Variants in BST1 observed in about 807,000 individuals in gnomAD.
BST1 encodes the protein ADP-ribosyl cyclase/cyclic ADP-ribose hydrolase 2.
In BST1, 49 loss-of-function variants were observed where a neutral mutation model predicts 40.6. That is an observed-to-expected ratio of 1.21 (90% CI 0.96 to 1.53). The LOEUF (loss-of-function observed/expected upper bound fraction) is 1.53, where lower values mean the gene tolerates loss of function less well. Among genes scored for constraint, BST1 ranks in the 40% most tolerant of loss-of-function variants. BST1 has a pLI of 0.00. For synonymous variants in BST1, 157 were observed against 159.3 expected (o/e 0.99, Z 0.11); for missense variants, 423 against 395.9 (o/e 1.07, Z -0.58).
chr4:15,773,101 G>A, the BST1 span, among the ~76,000 whole-genome samples: 1 of 152,236 alleles, frequency 6.6e-6, no homozygotes, highest in Non-Finnish European at 1.5e-5. Context: ...TGGGAGAATG[G>A]TGGGGAAGCT....
intron 1 of BST1, among the ~76,000 whole-genome samples, chr4:15,703,725 TGTGTGTGTGTGCTCTAGAGGTGAGGG>T (rs1719694520): frequency 7.6e-6 from 1 of 131,770 alleles, no homozygotes; most frequent in Non-Finnish European, 1.6e-5. Context: ...GGGGTGTGTG[TGTGTGTGTGTGCTCTAGAGGTGAGGG>T]GTGTGTGTGT....
intron 1 of BST1, among the ~76,000 whole-genome samples, chr4:15,704,735 T>G (rs28449316): frequency 6.6e-6 from 1 of 152,120 alleles, no homozygotes; most frequent in Non-Finnish European, 1.5e-5. Flanking sequence ...CAGGTTGGAA[T>G]TCCTTGAGTC....
chr4:15,755,517 T>A, the BST1 span, among the ~76,000 whole-genome samples: 5 of 152,338 alleles, frequency 3.3e-5, no homozygotes, highest in East Asian at 9.6e-4. Context: ...TATTTGTAGG[T>A]TGAATTCCTA....
the BST1 span, among the ~76,000 whole-genome samples, chr4:15,754,982 T>C: frequency 6.6e-6 from 1 of 152,178 alleles, no homozygotes; most frequent in Non-Finnish European, 1.5e-5. Flanking sequence ...TCCTTAATAG[T>C]ACATCCTGGA....
intron 6 of BST1, among the ~76,000 whole-genome samples, chr4:15,717,378 C>G (rs1256340168): frequency 6.6e-6 from 1 of 152,176 alleles, no homozygotes; most frequent in Non-Finnish European, 1.5e-5. Flanking sequence ...TTCATGTAAA[C>G]TCAGGGTCCT....
Position 15,705,568 on chromosome 4 carries a change from A to T in BST1, c.242A>T (p.Asp81Val). Residue 81 changes from aspartate (D) to valine (V), a missense_variant, in exon 2 of 9, where the codon GAT becomes GTT. Transcript: ENST00000265016. The part of the protein sequence containing the change: ...WEAFKVALDK[D>V]PCSVLPSDYD... ...GCCTTTAAAGTGGCGCTGGACAAGG[A>T]TCCCTGCTCCGTGCTGCCCTCAGAC... 1 of 1,611,100 alleles carries T rather than the reference A, an allele frequency of 6.2e-7. No homozygotes were observed. The highest frequency in any genetic ancestry group is 8.5e-7 in the Non-Finnish European group (1 of 1,178,846).
chr4:15,727,797 A>C (rs1268380174), intron 8 of BST1, among the ~76,000 whole-genome samples: 3 of 152,030 alleles, frequency 2.0e-5, no homozygotes, highest in African/African-American at 7.2e-5. Context: ...CATACAGCCT[A>C]TATGCTCAAA....
chr4:15,703,214 C>T lies in BST1; in HGVS notation c.70C>T (p.Leu24=). 1 of 1,550,942 alleles carries T rather than the reference C, an allele frequency of 6.4e-7. No homozygotes were observed. Among genetic ancestry groups the T allele is most frequent in the Non-Finnish European group, 8.7e-7 (1 of 1,148,836 alleles). ...GCTGCAGCTTCTGCTTCTACTGTTGCTGCTGGCGGCGGGCGGGGCGCGCGC... is the reference window on the plus strand; with the variant it reads ...GCTGCAGCTTCTGCTTCTACTGTTGTTGCTGGCGGCGGGCGGGGCGCGCGC... ...LLLQLLLLLL[L]LAAGGARARW... is the part of the protein sequence containing the mutation. The change falls in exon 1 of 9, where the codon CTG becomes TTG. Residue 24 remains leucine, a synonymous_variant. Coordinates refer to ENST00000265016, the MANE Select transcript of BST1 (RefSeq NM_004334.3).
rs1312733768 is a variant in BST1 at position 15,732,193 on chromosome 4, C to A, written c.*348C>A. 2.1e-6 allele frequency: 2 copies of A among 959,232 alleles called. No individual in the cohort carries two copies. Among genetic ancestry groups the A allele is most frequent in the Admixed American group, 1.0e-4 (2 of 19,588 alleles). 59.4% of individuals were successfully genotyped at this position (959,232 alleles called of 1,614,324 possible). ...ACATCATCTATATTTTCCTATATCT[C>A]CAGCAGCACGGACACTGCATGCTTG... On this transcript the variant is annotated 3_prime_UTR_variant, in exon 9 of 9. Coordinates refer to ENST00000265016, the MANE Select transcript of BST1 (RefSeq NM_004334.3).
chr4:15,760,347 G>C, the BST1 span, among the ~76,000 whole-genome samples: 1 of 151,646 alleles, frequency 6.6e-6, no homozygotes, highest in East Asian at 1.9e-4. Context: ...TATTTGGGTT[G>C]TTTCTGTTTA....
chr4:15,715,257 T>A, intron 4 of BST1, 28 bp from the exon 5 acceptor site: 10 of 1,604,352 alleles, frequency 6.2e-6, no homozygotes, highest in Non-Finnish European at 8.5e-6. Context: ...CGTCTTTATT[T>A]GCTAAAAATA....
At chr4:15,718,553 C>G (rs1720634725) in intron 6 of BST1, among the ~76,000 whole-genome samples, 1 of 151,962 alleles carries the variant, frequency 6.6e-6, no homozygotes, top group Non-Finnish European at 1.5e-5. Flanking sequence ...GTAGGGTGAA[C>G]AAATTGGCAG....
At chr4:15,747,157 G>T in the BST1 span, among the ~76,000 whole-genome samples, 1 of 152,160 alleles carries the variant, frequency 6.6e-6, no homozygotes, top group Non-Finnish European at 1.5e-5. Context: ...GACTGTGATC[G>T]TCCATTGTGG....
intron 1 of BST1, 54 bp from the exon 2 acceptor site, chr4:15,705,461 C>T: frequency 6.6e-7 from 1 of 1,514,484 alleles, no homozygotes; most frequent in South Asian, 1.3e-5. Flanking sequence ...GCATACTTCA[C>T]AACACATTAT....
downstream of BST1, among the ~76,000 whole-genome samples, chr4:15,735,367 TG>T (rs1191199424): frequency 6.6e-6 from 1 of 152,182 alleles, no homozygotes; most frequent in Non-Finnish European, 1.5e-5. Context: ...CCTGCTTGGA[TG>T]AAGTAGACCT....
At chr4:15,749,247 G>T in the BST1 span, among the ~76,000 whole-genome samples, 1 of 152,174 alleles carries the variant, frequency 6.6e-6, no homozygotes, top group African/African-American at 2.4e-5. Context: ...GCAGTCACAG[G>T]TGCTTCCCAT....
chr4:15,742,302 GGT>G (rs1721766520), downstream of BST1, among the ~76,000 whole-genome samples: 1 of 152,120 alleles, frequency 6.6e-6, no homozygotes, highest in African/African-American at 2.4e-5. Flanking sequence ...CTTGGGGATG[GGT>G]GTGTGAGTTC....
intron 1 of BST1, chr4:15,705,017 A>T (rs1003915575): frequency 1.4e-6 from 1 of 737,374 alleles, no homozygotes; most frequent in African/African-American, 1.7e-5. Context: ...GAAAACTAGC[A>T]TGGACCTCAA....
chr4:15,764,300 T>C, the BST1 span, among the ~76,000 whole-genome samples: 3 of 152,102 alleles, frequency 2.0e-5, no homozygotes, highest in African/African-American at 4.8e-5. Flanking sequence ...GGCTTTCTTT[T>C]GGAATTTTTG....
Sources: gnomAD v4.1 joint callset for allele counts (sites outside exome capture counted in the v4.1 genomes callset) on GRCh38, gnomAD v4.1.1 for gene constraint, MANE v1.5 for transcripts, NCBI Gene and HGNC (gene_info 2026-07-23, HGNC 2026-07-21) for gene names.